CALD1: variants seen among roughly 807,000 people sequenced by gnomAD.
The protein encoded by CALD1 is caldesmon 1, also known as caldesmon.
Under a neutral mutation model 99.9 loss-of-function variants are expected in CALD1, and 33 were observed. The ratio of observed to expected loss-of-function variants is 0.33; its 90% CI spans 0.25 to 0.44. CALD1 has a LOEUF of 0.44. CALD1 is among the 20% of genes least tolerant of loss of function. The pLI, the probability that CALD1 is intolerant of heterozygous loss-of-function variation, is 1.00. For missense variants in CALD1, 861 were observed against 962.1 expected, an observed-to-expected ratio of 0.89 and a Z score of 1.39; for synonymous variants, 310 against 325.0, an observed-to-expected ratio of 0.95 and a Z score of 0.50.
At position 134,783,382 on chromosome 7, in the gene CALD1, A is replaced by G. The variant is rs1797183430; in HGVS notation, c.-130+3633A>G. 6.6e-6 allele frequency among the ~76,000 whole-genome samples: 1 copy of G among 152,208 alleles called. No individual in the cohort carries two copies. The highest frequency in any genetic ancestry group is 1.5e-5 in the Non-Finnish European group (1 of 68,036). ...CCAACATTGACAATTTGCAGGGGCC[A>G]GCTCTAAGATGAGGCCCAGAGTACA... On this transcript the variant is annotated intron_variant, in intron 1 of 14. Coordinates refer to ENST00000361675, the MANE Select transcript of CALD1 (RefSeq NM_033138.4). This position sits in a 1 kb window ranked among gnomAD's most constrained non-coding sequence, Gnocchi z 4.3.
chr7:134,789,679 C>T lies in CALD1; in HGVS notation c.-130+9930C>T, dbSNP rs542925086. On this transcript the variant is annotated intron_variant, in intron 1 of 14. Coordinates refer to ENST00000361675, the MANE Select transcript of CALD1 (RefSeq NM_033138.4). ...CTTAGCCACACACTGTCCCCTGTTG[C>T]CTCCTCTAGGCCATCCTGTAGACAG... Among the ~76,000 whole-genome samples the T allele has an allele frequency of 5.3e-5, 8 of 152,262 alleles. 1 individual carries two copies. In the South Asian group the frequency reaches 1.0e-3, roughly 20 times the overall value.
chr7:134,882,128 G>A (rs1345999751), intron 3 of CALD1, among the ~76,000 whole-genome samples: 12 of 152,288 alleles, frequency 7.9e-5, no homozygotes, highest in African/African-American at 2.9e-4. Context: ...AATGTTGAAT[G>A]AACACTAACA....
Position 134,933,287 on chromosome 7 carries a change from A to T in CALD1, c.518A>T (p.Gln173Leu). The change falls in exon 5 of 15, where the codon CAG (glutamine) becomes CTG (leucine). Residue 173 changes from glutamine to leucine, a missense_variant. Gln to Leu is a moderately radical substitution (Grantham distance 113, BLOSUM62 -2). Around this residue, in one of 5 missense-constraint regions of CALD1, gnomAD observed 234 missense variants for 233.1 expected, o/e 1.00. Transcript: ENST00000361675. ...EETETVTKSY[Q>L]KNDWRDAEEN... is the part of the protein sequence containing the mutation. ...ACAGAAACAGTCACCAAGTCCTACC[A>T]GAAGAATGATTGGAGGGATGCTGAA... is the stretch of plus-strand genomic sequence containing the variant. 6.2e-7 allele frequency: 1 copy of T among 1,606,458 alleles called. No homozygotes were observed. Among genetic ancestry groups the T allele is most frequent in the Non-Finnish European group, 8.5e-7 (1 of 1,176,720 alleles).
rs140517237 is a variant in CALD1 at position 134,757,897 on chromosome 7, A to T, written c.-130+13534A>T. Among the ~76,000 whole-genome samples, 378 of 151,296 alleles carry T rather than the reference A, an allele frequency of 2.5e-3. 2 individuals carry two copies. Among genetic ancestry groups the T allele is most frequent in the African/African-American group, 8.6e-3 (351 of 40,636 alleles). ...CCGTCTAAAAAAATAAAAATAAAAA[A>T]AAAAAGGAGTCCAGCAAAACTTTCA... is the stretch of plus-strand genomic sequence containing the variant. On this transcript the variant is annotated intron_variant, in intron 1 of 13. Coordinates refer to the CALD1 transcript ENST00000417172.
At chr7:134,768,326 T>C (rs1796845173) in intron 1 of CALD1, among the ~76,000 whole-genome samples, 1 of 152,144 alleles carries the variant, frequency 6.6e-6, no homozygotes, top group Non-Finnish European at 1.5e-5. Context: ...CCCATCAAAG[T>C]GGGTCAGTGC....
At chr7:134,900,756 C>T (rs1802932083) in intron 3 of CALD1, among the ~76,000 whole-genome samples, 1 of 152,068 alleles carries the variant, frequency 6.6e-6, no homozygotes, top group Non-Finnish European at 1.5e-5. Flanking sequence ...ACTAGCTATG[C>T]AAAGTATATA....
At chr7:134,881,090 C>A (rs1315288744) in intron 3 of CALD1, among the ~76,000 whole-genome samples, 1 of 152,122 alleles carries the variant, frequency 6.6e-6, no homozygotes, top group Non-Finnish European at 1.5e-5. Flanking sequence ...GAGAACTCTG[C>A]CTGAAGTGCA....
At chr7:134,935,841 T>TG in intron 6 of CALD1, 76 bp downstream of exon 6, 1 of 1,438,020 alleles carries the variant, frequency 7.0e-7, no homozygotes, top group Non-Finnish European at 9.3e-7. Context: ...TCAGGTCTGA[T>TG]GATCTCAAAA....
the CALD1 span, among the ~76,000 whole-genome samples, chr7:134,723,961 C>T: frequency 6.6e-6 from 1 of 152,176 alleles, no homozygotes; most frequent in Non-Finnish European, 1.5e-5. Flanking sequence ...TATTTTAAAA[C>T]TGAGCTGCTG....
At chr7:134,873,274 C>T (rs1181771411) in intron 3 of CALD1, among the ~76,000 whole-genome samples, 1 of 152,088 alleles carries the variant, frequency 6.6e-6, no homozygotes, top group Non-Finnish European at 1.5e-5. Context: ...ATTTCAATCC[C>T]TCTCCTCTGC....
intron 1 of CALD1, among the ~76,000 whole-genome samples, chr7:134,831,077 C>T (rs1298803833): frequency 6.6e-6 from 1 of 152,140 alleles, no homozygotes; most frequent in Non-Finnish European, 1.5e-5. Flanking sequence ...ACCTGAAATA[C>T]TCTCAGTGTC....
At chr7:134,737,627 T>C in the CALD1 span, among the ~76,000 whole-genome samples, 1 of 152,204 alleles carries the variant, frequency 6.6e-6, no homozygotes, top group Non-Finnish European at 1.5e-5. Flanking sequence ...CCTCGGTTTC[T>C]TGGGAGGCAG....
At chr7:134,820,242 C>G (rs2131994804) in intron 1 of CALD1, among the ~76,000 whole-genome samples, 1 of 152,270 alleles carries the variant, frequency 6.6e-6, no homozygotes, top group South Asian at 2.1e-4. Context: ...GATCTATGAT[C>G]TTGTACGTAT....
intron 1 of CALD1, among the ~76,000 whole-genome samples, chr7:134,792,281 CTCT>C (rs1212401078): frequency 2.7e-5 from 4 of 149,400 alleles, no homozygotes; most frequent in East Asian, 2.0e-4. Context: ...TCCAAATTTC[CTCT>C]TCTTTTTTTT....
intron 3 of CALD1, among the ~76,000 whole-genome samples, chr7:134,928,256 C>A (rs914136154): frequency 3.1e-4 from 47 of 151,320 alleles, no homozygotes; most frequent in Non-Finnish European, 5.9e-4. Context: ...TTGGCAAAAC[C>A]CCATCTCTAC....
intron 1 of CALD1, among the ~76,000 whole-genome samples, chr7:134,820,292 CT>C (rs1246210091): frequency 1.3e-5 from 2 of 152,180 alleles, no homozygotes; most frequent in African/African-American, 2.4e-5. Flanking sequence ...AAAATTGCCC[CT>C]GGAGACATTT....
chr7:134,888,817 G>GT (rs1211430376), intron 3 of CALD1, among the ~76,000 whole-genome samples: 2 of 152,192 alleles, frequency 1.3e-5, no homozygotes, highest in Non-Finnish European at 2.9e-5. Context: ...GGTGCGCGCT[G>GT]TTTCCCTTTC....
the CALD1 span, among the ~76,000 whole-genome samples, chr7:134,713,883 G>A: frequency 1.3e-5 from 2 of 152,130 alleles, no homozygotes; most frequent in African/African-American, 4.8e-5. Context: ...TTGGTGATAC[G>A]GTTTGGGTCT....
At chr7:134,716,754 C>A in the CALD1 span, among the ~76,000 whole-genome samples, 1 of 152,120 alleles carries the variant, frequency 6.6e-6, no homozygotes, top group African/African-American at 2.4e-5. Flanking sequence ...CCATGCCTTG[C>A]AAATTATCAG....
Sources: allele counts gnomAD v4.1 joint callset (sites outside exome capture counted in the v4.1 genomes callset), GRCh38; gene constraint gnomAD v4.1.1; regional missense constraint gnomAD v4.1.1; non-coding constraint Gnocchi (gnomAD v3.1); transcripts MANE v1.5; gene names NCBI Gene and HGNC (gene_info 2026-07-23, HGNC 2026-07-21).